CLCA4: variants seen among roughly 807,000 people sequenced by gnomAD.
CLCA4 encodes the protein chloride channel accessory 4, also known as calcium-activated chloride channel regulator 4.
Under a neutral mutation model 78.9 loss-of-function variants are expected in CLCA4, and 69 were observed. The observed-to-expected ratio is 0.87, with a 90% CI of 0.72 to 1.07. CLCA4 has a LOEUF of 1.07. CLCA4 is among the 50% of genes least tolerant of loss of function. The pLI, the probability that CLCA4 is intolerant of heterozygous loss-of-function variation, is 0.00. For synonymous variants in CLCA4, 362 were observed against 375.8 expected (o/e 0.96, Z 0.42); for missense variants, 1,133 against 1,095.8 (o/e 1.03, Z -0.48).
Position 86,580,004 on chromosome 1 carries a change from G to T in CLCA4, c.2419G>T (p.Ala807Ser). ...ILDLRDSFDDALQVNTTDLSP... is the reference protein window; with the variant it reads ...ILDLRDSFDDSLQVNTTDLSP... ...TGATCTAAGAGACAGTTTTGATGAT[G>T]CTCTTCAAGTAAATACTACTGATCT... The change falls in exon 14 of 14, where the codon GCT (alanine) becomes TCT (serine). Residue 807 changes from alanine to serine, a missense_variant. Coordinates refer to ENST00000370563, the MANE Select transcript of CLCA4 (RefSeq NM_012128.4). The T allele has an allele frequency of 6.2e-7, 1 of 1,606,702 alleles. No individual in the cohort carries two copies. Among genetic ancestry groups the T allele is most frequent in the Non-Finnish European group, 8.5e-7 (1 of 1,174,456 alleles).
Position 86,560,250 on chromosome 1 carries a change from G to A in CLCA4, c.340G>A (p.Asp114Asn), listed in dbSNP as rs761185088. Reference sequence around the variant, plus strand: ...TGCACCACCTACACTCCCAGGTAGAGATGAACCATACACCAAGCAGTTCAC... The same window carrying A: ...TGCACCACCTACACTCCCAGGTAGAAATGAACCATACACCAAGCAGTTCAC... ...IVAPPTLPGRDEPYTKQFTEC... is the reference protein window; with the variant it reads ...IVAPPTLPGRNEPYTKQFTEC... Residue 114 changes from aspartate (D) to asparagine (N), a missense_variant, in exon 3 of 14, where the codon GAT becomes AAT. Physicochemically the swap from Asp to Asn is conservative, Grantham distance 23 (BLOSUM62 1). Transcript: ENST00000370563. 5 of 1,613,984 alleles carry A rather than the reference G, an allele frequency of 3.1e-6. No individual in the cohort carries two copies. The highest frequency in any genetic ancestry group is 4.2e-6 in the Non-Finnish European group (5 of 1,179,922).
At chr1:86,567,995 C>A (rs549792347) in intron 7 of CLCA4, among the ~76,000 whole-genome samples, 1 of 152,108 alleles carries the variant, frequency 6.6e-6, no homozygotes, top group African/African-American at 2.4e-5. Flanking sequence ...GGGGAAATGA[C>A]ACAGGTGATA....
At chr1:86,548,301 C>G (rs1223138710) in intron 1 of CLCA4, among the ~76,000 whole-genome samples, 1 of 151,900 alleles carries the variant, frequency 6.6e-6, no homozygotes, top group Non-Finnish European at 1.5e-5. Flanking sequence ...ATTATTATTA[C>G]TTTGTCTTTG....
chr1:86,563,596 C>A, intron 3 of CLCA4, 65 bp from the exon 4 acceptor site: 1 of 766,948 alleles, frequency 1.3e-6, no homozygotes, highest in African/African-American at 1.8e-5. Flanking sequence ...AGAGAAGCTT[C>A]TTAAAATATG....
At chr1:86,558,552 T>C (rs72955610) in intron 1 of CLCA4, among the ~76,000 whole-genome samples, 8,975 of 152,226 alleles carry the variant, frequency 0.059, 340 homozygotes, top group Middle Eastern at 0.14. Context: ...GGATAATTTA[T>C]AAAGGAAAAG....
At position 86,574,623 on chromosome 1, in the gene CLCA4, GT is replaced by G. The variant is rs1558197438; in HGVS notation, c.1553del (p.Phe518SerfsTer22). 1 of 1,613,254 alleles carries G rather than the reference GT, an allele frequency of 6.2e-7. No homozygotes were observed. Among genetic ancestry groups the G allele is most frequent in the Admixed American group, 1.7e-5 (1 of 59,930 alleles). On this transcript the variant is annotated frameshift_variant, in exon 10 of 14. Transcript: ENST00000370563. LOFTEE classifies it high-confidence loss of function. ...TTGATAGTACAGTGGGAAAGGACAC[GT>G]TCTTTCTCATCACATGGAACAGTCT... ...IIDSTVGKDT[F>X]FLITWNSLPP...
intron 8 of CLCA4, 37 bp downstream of exon 8, chr1:86,571,291 T>C: frequency 6.4e-7 from 1 of 1,567,192 alleles, no homozygotes; most frequent in East Asian, 2.2e-5. Flanking sequence ...CCTTCAATAG[T>C]AATGCATAAA....
intron 11 of CLCA4, among the ~76,000 whole-genome samples, 194 bp from the exon 12 acceptor site, chr1:86,577,708 G>C (rs891250831): frequency 1.3e-5 from 2 of 152,034 alleles, no homozygotes; most frequent in African/African-American, 2.4e-5. Flanking sequence ...AGAAATAATA[G>C]ATATCGAAAT....
At chr1:86,559,903 T>A in intron 1 of CLCA4, 29 bp from the exon 2 acceptor site, 2 of 1,562,294 alleles carry the variant, frequency 1.3e-6, no homozygotes, top group African/African-American at 1.4e-5. Context: ...AACTTCACCA[T>A]CCTCACATAT....
chr1:86,555,665 T>C, intron 1 of CLCA4, among the ~76,000 whole-genome samples: 1 of 152,208 alleles, frequency 6.6e-6, no homozygotes, highest in Non-Finnish European at 1.5e-5. Context: ...TGCTTAAGAT[T>C]GCCTTGGCTG....
chr1:86,573,444 T>C lies in CLCA4; in HGVS notation c.1467+724T>C, dbSNP rs545639424. ...AAAATATTTCTCTTCTTTTCATTCC[T>C]ACATGTCTATGTCATGTCACTTTAT... On this transcript the variant is annotated intron_variant, in intron 9 of 13. Coordinates refer to ENST00000370563, the MANE Select transcript of CLCA4 (RefSeq NM_012128.4). Among the ~76,000 whole-genome samples, 3 of 152,186 alleles carry C rather than the reference T, an allele frequency of 2.0e-5. No homozygotes were observed. The East Asian group carries it at 5.8e-4, about 29-fold the overall frequency.
intron 1 of CLCA4, chr1:86,553,009 G>A: frequency 1.6e-6 from 1 of 622,896 alleles, no homozygotes; most frequent in South Asian, 1.9e-5. Context: ...CAAGCCAGAG[G>A]CAGGACGTGC....
chr1:86,565,526 G>A (rs1431737900), intron 5 of CLCA4, 75 bp downstream of exon 5: 2 of 1,157,424 alleles, frequency 1.7e-6, no homozygotes, highest in African/African-American at 1.5e-5. Context: ...TATCTGTTCA[G>A]GTGACCTGAG....
chr1:86,551,983 C>A (rs1158030279), intron 1 of CLCA4, among the ~76,000 whole-genome samples: 1 of 151,918 alleles, frequency 6.6e-6, no homozygotes, highest in Non-Finnish European at 1.5e-5. Flanking sequence ...AAGTATTGCA[C>A]GCACATTTAA....
At chr1:86,559,908 A>C (rs1278000099) in intron 1 of CLCA4, 24 bp from the exon 2 acceptor site, 3 of 1,567,732 alleles carry the variant, frequency 1.9e-6, no homozygotes, top group Non-Finnish European at 2.6e-6. Flanking sequence ...CACCATCCTC[A>C]CATATTTTTT....
At chr1:86,553,758 A>C (rs1208396692) in intron 1 of CLCA4, among the ~76,000 whole-genome samples, 2 of 152,112 alleles carry the variant, frequency 1.3e-5, no homozygotes, top group Non-Finnish European at 2.9e-5. Context: ...AACATTGCGA[A>C]ACCCTCTCTC....
chr1:86,572,653 A>G lies in CLCA4; in HGVS notation c.1400A>G (p.Asn467Ser). The change falls in exon 9 of 14, where the codon AAT becomes AGT. Residue 467 changes from asparagine (N) to serine (S), a missense_variant. Physicochemically the swap from Asn to Ser is conservative, Grantham distance 46 (BLOSUM62 1). Transcript: ENST00000370563. ...HFYVSDEAQN[N>S]GLIDAFGALT... The stretch of plus-strand genomic sequence containing the variant: ...TATGTTTCAGATGAAGCTCAGAACA[A>G]TGGCCTCATTGATGCTTTTGGGGCT... 6.2e-7 allele frequency: 1 copy of G among 1,609,706 alleles called. No individual in the cohort carries two copies. The highest frequency in any genetic ancestry group is 8.5e-7 in the Non-Finnish European group (1 of 1,176,402).
chr1:86,550,981 G>A (rs532476159), intron 1 of CLCA4, among the ~76,000 whole-genome samples: 244 of 151,684 alleles, frequency 1.6e-3, no homozygotes, highest in African/African-American at 5.7e-3. Flanking sequence ...ACAGGCGCCT[G>A]CCACCACGCC....
chr1:86,569,236 C>T (rs1650282707), intron 7 of CLCA4, among the ~76,000 whole-genome samples: 2 of 151,910 alleles, frequency 1.3e-5, no homozygotes, highest in Admixed American at 1.3e-4. Context: ...TAAAAAGTAA[C>T]ATTTAAGCTC....
Sources: gnomAD v4.1 joint callset for allele counts (sites outside exome capture counted in the v4.1 genomes callset) on GRCh38, gnomAD v4.1.1 for gene constraint, MANE v1.5 for transcripts, NCBI Gene and HGNC (gene_info 2026-07-23, HGNC 2026-07-21) for gene names.